RBM23: variants seen among roughly 807,000 people sequenced by gnomAD.
RBM23 encodes the protein probable RNA-binding protein 23.
A neutral mutation model predicts 56.2 loss-of-function variants in RBM23; 53 were observed. The ratio of observed to expected loss-of-function variants is 0.94; its 90% CI spans 0.76 to 1.19. RBM23 has a LOEUF of 1.19. Ranked by LOEUF, RBM23 falls within the 50% of genes most tolerant of loss-of-function variation. The probability of loss-of-function intolerance (pLI) is 0.00; values close to 1 mark genes in which losing one functional copy is unlikely to be tolerated. For synonymous variants in RBM23, 197 were observed against 198.5 expected (o/e 0.99, Z 0.06); for missense variants, 642 against 590.3 (o/e 1.09, Z -0.91).
chr14:22,903,288 A>G lies in RBM23; in HGVS notation c.931-906T>C. On this transcript the variant is annotated intron_variant, in intron 10 of 13. Coordinates refer to ENST00000359890, the MANE Select transcript of RBM23 (RefSeq NM_001077351.2). Reference sequence around the variant, plus strand: ...ACACACTGGTACAAAGAGGATTCCCAGTCTGCTGTTTGTTTAAGTGTCAAG... The same window carrying G: ...ACACACTGGTACAAAGAGGATTCCCGGTCTGCTGTTTGTTTAAGTGTCAAG... 6.1e-6 allele frequency: 6 copies of G among 985,472 alleles called. No individual in the cohort carries two copies. In the South Asian group the frequency reaches 2.8e-4, roughly 46 times the overall value. 61.0% of individuals were successfully genotyped at this position (985,472 alleles called of 1,614,324 possible). A position where few individuals can be genotyped will look rare whatever the true frequency, so the allele number is the denominator to read the frequency against.
chr14:22,908,590 C>T (rs1178016955), intron 3 of RBM23: 1 of 467,542 alleles, frequency 2.1e-6, no homozygotes, highest in East Asian at 4.4e-5. Flanking sequence ...GACAAGGTTT[C>T]GCTATGTTGG....
At position 22,901,842 on chromosome 14, in the gene RBM23, G is replaced by C; in HGVS notation, c.1288C>G (p.Leu430Val). 1 of 1,614,226 alleles carries C rather than the reference G, an allele frequency of 6.2e-7. No individual in the cohort carries two copies. The highest frequency in any genetic ancestry group is 8.5e-7 in the Non-Finnish European group (1 of 1,180,020). Residue 430 changes from leucine (L) to valine (V), a missense_variant, in exon 13 of 14, where the codon CTC (leucine) becomes GTC (valine). Physicochemically the swap from Leu to Val is conservative, Grantham distance 32. Coordinates refer to ENST00000359890, the MANE Select transcript of RBM23 (RefSeq NM_001077351.2). ...GTCTGGGGGGTAAAGAGGCTGGAGAGCTGGAAACACTGGGAGGCAAGGTTC... is the reference window on the plus strand; with the variant it reads ...GTCTGGGGGGTAAAGAGGCTGGAGACCTGGAAACACTGGGAGGCAAGGTTC... ...ALNLASQCFQ[L>V]SSLFTPQTM
chr14:22,908,233 C>T, intron 4 of RBM23, 100 bp downstream of exon 4: 1 of 1,313,194 alleles, frequency 7.6e-7, no homozygotes, highest in Admixed American at 2.4e-5. Flanking sequence ...GTTGCCCAGG[C>T]TGGTTTTGAA....
At chr14:22,905,516 C>A in intron 6 of RBM23, 63 bp from the exon 7 acceptor site, 2 of 1,598,250 alleles carry the variant, frequency 1.3e-6, no homozygotes, top group African/African-American at 1.3e-5. Flanking sequence ...TCCAGCTAAC[C>A]CTCAAGTATT....
At chr14:22,903,715 C>A in intron 10 of RBM23, 1 of 1,008,072 alleles carries the variant, frequency 9.9e-7, no homozygotes, top group Non-Finnish European at 1.2e-6. Flanking sequence ...GCTGGAAGAA[C>A]CAGTTATAGG....
Position 22,902,315 on chromosome 14 carries a change from G to A in RBM23, c.998C>T (p.Pro333Leu), listed in dbSNP as rs375097386. The A allele has an allele frequency of 4.3e-6, 7 of 1,613,982 alleles. No individual in the cohort carries two copies. The African/African-American group carries it at 6.7e-5, about 15-fold the overall frequency. Residue 333 changes from proline (P) to leucine (L), a missense_variant, in exon 11 of 14, where the codon CCT becomes CTT. Pro to Leu is a moderately conservative substitution (Grantham distance 98). Coordinates refer to ENST00000359890, the MANE Select transcript of RBM23 (RefSeq NM_001077351.2). The part of the protein sequence containing the change: ...QLNGFELAGR[P>L]MRVGHVTERL... ...CTCAGTCACATGGCCAACCCTCATAGGTCGACCAGCAAGCTCAAACCCATT... is the reference window on the plus strand; with the variant it reads ...CTCAGTCACATGGCCAACCCTCATAAGTCGACCAGCAAGCTCAAACCCATT...
At chr14:22,915,496 CTTT>C (rs71115587) in intron 1 of RBM23, among the ~76,000 whole-genome samples, 4 of 123,982 alleles carry the variant, frequency 3.2e-5, no homozygotes, top group Admixed American at 8.3e-5. Context: ...CCATGCCTGG[CTTT>C]TTTTTTTTTT....
intron 4 of RBM23, among the ~76,000 whole-genome samples, chr14:22,907,746 C>T (rs1433174589): frequency 6.6e-6 from 1 of 152,132 alleles, no homozygotes; most frequent in Non-Finnish European, 1.5e-5. Context: ...GAAGGTGCTC[C>T]TAAAGAAAGC....
chr14:22,904,867 C>G lies in RBM23; in HGVS notation c.864+8G>C. On this transcript the variant is annotated splice_region_variant and intron_variant, in intron 9 of 13. Transcript: ENST00000359890. ...TTCCCTTCAGAGGTTTCTCTCACTT[C>G]TACTCACTTTACCAAAGGGCTCAAA... The G allele has an allele frequency of 6.2e-7, 1 of 1,614,158 alleles. No individual in the cohort carries two copies. Among genetic ancestry groups the G allele is most frequent in the Non-Finnish European group, 8.5e-7 (1 of 1,180,006 alleles).
chr14:22,905,849 A>G, intron 5 of RBM23, 190 bp from the exon 6 acceptor site: 1 of 610,176 alleles, frequency 1.6e-6, no homozygotes, highest in South Asian at 2.0e-5. Flanking sequence ...CCCAGGCTCA[A>G]GCAATCCTCC....
rs1225927836 is a variant in RBM23, at chr14:22,899,639, G to A, written c.*2091C>T. On this transcript the variant is annotated 3_prime_UTR_variant, in exon 14 of 14. Transcript: ENST00000359890. Reference sequence around the variant, plus strand: ...GATCCACCCACCTCGGCCTCCCAAAGTGCTGGGATTACAGGCGTGAGCCAG... The same window carrying A: ...GATCCACCCACCTCGGCCTCCCAAAATGCTGGGATTACAGGCGTGAGCCAG... 3 of 152,296 alleles carry A rather than the reference G, an allele frequency of 2.0e-5. No individual in the cohort carries two copies. Among genetic ancestry groups the A allele is most frequent in the African/African-American group, 7.2e-5 (3 of 41,422 alleles). The allele number at this position is 152,296 out of a possible 1,614,324, so 9.4% of individuals were successfully genotyped here. A position where few individuals can be genotyped will look rare whatever the true frequency, so the allele number is the denominator to read the frequency against.
intron 4 of RBM23, 23 bp from the exon 5 acceptor site, chr14:22,906,391 T>C: frequency 6.2e-7 from 1 of 1,610,948 alleles, no homozygotes; most frequent in Non-Finnish European, 8.5e-7. Context: ...ACAACTACAG[T>C]CATGCCCACA....
Position 22,903,073 on chromosome 14 carries a change from C to T in RBM23, c.931-691G>A, listed in dbSNP as rs867811621. ...CTGGGATTACAGGTGTGAGCCACCG[C>T]GCCTGGCCAAATTTTAGTTAAGTAC... is the stretch of plus-strand genomic sequence containing the variant. On this transcript the variant is annotated intron_variant, in intron 10 of 13. Coordinates refer to ENST00000359890, the MANE Select transcript of RBM23 (RefSeq NM_001077351.2). 7.1e-5 allele frequency: 70 copies of T among 985,376 alleles called. No homozygotes were observed. In the East Asian group the frequency reaches 1.8e-3, roughly 26 times the overall value. The allele number at this position is 985,376 out of a possible 1,614,324, so 61.0% of individuals were successfully genotyped here.
intron 2 of RBM23, among the ~76,000 whole-genome samples, chr14:22,910,871 C>T (rs1028571741): frequency 3.9e-5 from 6 of 152,172 alleles, no homozygotes; most frequent in Non-Finnish European, 8.8e-5. Flanking sequence ...ATTAGCTGGG[C>T]ATGGTGGTGC....
intron 1 of RBM23, 114 bp downstream of exon 1, chr14:22,918,885 G>C (rs147591567): frequency 1.4e-3 from 209 of 152,194 alleles, no homozygotes; most frequent in African/African-American, 4.9e-3. Context: ...TTAAAAGTTC[G>C]CCTGAATCTC....
At chr14:22,906,676 A>T (rs2041625680) in intron 4 of RBM23, among the ~76,000 whole-genome samples, 1 of 152,256 alleles carries the variant, frequency 6.6e-6, no homozygotes, top group Non-Finnish European at 1.5e-5. Context: ...GAAGGATGGA[A>T]GGATGGCGGC....
Position 22,901,830 on chromosome 14 carries a change from A to C in RBM23, c.1300T>G (p.Phe434Val). ...ASQCFQLSSL[F>V]TPQTM ...GAGACTCACATGGTCTGGGGGGTAA[A>C]GAGGCTGGAGAGCTGGAAACACTGG... is the stretch of plus-strand genomic sequence containing the variant. The change falls in exon 13 of 14, where the codon TTT (phenylalanine) becomes GTT (valine). Residue 434 changes from phenylalanine (F) to valine (V), a missense_variant. By Grantham distance (50) the Phe-to-Val change is conservative. Coordinates refer to ENST00000359890, the MANE Select transcript of RBM23 (RefSeq NM_001077351.2). 6.2e-7 allele frequency: 1 copy of C among 1,614,212 alleles called. No homozygotes were observed. The highest frequency in any genetic ancestry group is 8.5e-7 in the Non-Finnish European group (1 of 1,180,024).
chr14:22,912,251 G>A (rs1443021488), intron 1 of RBM23, among the ~76,000 whole-genome samples: 1 of 152,152 alleles, frequency 6.6e-6, no homozygotes, highest in Non-Finnish European at 1.5e-5. Context: ...AAAATCAGAA[G>A]CAAGTCAAAG....
Position 22,901,709 on chromosome 14 carries a change from G to A in RBM23, c.*21C>T. 1 of 1,611,292 alleles carries A rather than the reference G, an allele frequency of 6.2e-7. No individual in the cohort carries two copies. Among genetic ancestry groups the A allele is most frequent in the Non-Finnish European group, 8.5e-7 (1 of 1,177,370 alleles). On this transcript the variant is annotated 3_prime_UTR_variant, in exon 14 of 14. Coordinates refer to ENST00000359890, the MANE Select transcript of RBM23 (RefSeq NM_001077351.2). ...TGGCAGGATCCAGAGGCACAAGGAG[G>A]CAGTATACTGTGCCACTGATTTACC...
Sources: allele counts gnomAD v4.1 joint callset (sites outside exome capture counted in the v4.1 genomes callset), GRCh38; gene constraint gnomAD v4.1.1; transcripts MANE v1.5; gene names NCBI Gene and HGNC (gene_info 2026-07-23, HGNC 2026-07-21).